The following DNM2 variants were observed in gnomAD, a reference collection of about 807,000 sequenced individuals.
The protein encoded by DNM2 is dynamin-2.
In DNM2, 15 loss-of-function variants were observed where a neutral mutation model predicts 99.0. That is an observed-to-expected ratio of 0.15 (90% CI 0.10 to 0.23). DNM2 has a LOEUF of 0.23. DNM2 is among the 10% of genes least tolerant of loss of function. DNM2 has a pLI of 1.00. For missense variants in DNM2, 742 were observed against 1,189.4 expected (o/e 0.62, Z 5.53); for synonymous variants, 525 against 481.2 (o/e 1.09, Z -1.19).
At chr19:10,792,392 G>C (rs2071782705) in intron 7 of DNM2, among the ~76,000 whole-genome samples, 1 of 152,164 alleles carries the variant, frequency 6.6e-6, no homozygotes, top group African/African-American at 2.4e-5. Flanking sequence ...CTGATGAAGG[G>C]AGACAGCCCA....
intron 1 of DNM2, among the ~76,000 whole-genome samples, chr19:10,720,094 G>C (rs758884389): frequency 1.5e-4 from 22 of 150,836 alleles, no homozygotes; most frequent in Non-Finnish European, 3.0e-4. Flanking sequence ...GGACGGGGGT[G>C]GGGGGTGTTT....
chr19:10,788,038 C>G (rs1180028111), intron 7 of DNM2, among the ~76,000 whole-genome samples: 2 of 151,584 alleles, frequency 1.3e-5, no homozygotes, highest in Non-Finnish European at 2.9e-5. Flanking sequence ...TCAAGACCAG[C>G]CTGGCCAACA....
chr19:10,742,419 T>C (rs1403317691), intron 1 of DNM2, among the ~76,000 whole-genome samples: 1 of 152,152 alleles, frequency 6.6e-6, no homozygotes, highest in Non-Finnish European at 1.5e-5. Flanking sequence ...AATAGGGCCT[T>C]ATGCGTGCTA....
At chr19:10,732,057 C>G (rs143928955) in intron 1 of DNM2, among the ~76,000 whole-genome samples, 6,882 of 149,998 alleles carry the variant, frequency 0.046, 185 homozygotes, top group African/African-American at 0.074. Flanking sequence ...CAGGTTCAAG[C>G]GATTCTTCTG....
In DNM2 at chr19:10,732,885, G is replaced by GT. The variant is rs912377869; in HGVS notation, c.161+14492dup. On this transcript the variant is annotated intron_variant, in intron 1 of 20. Coordinates refer to ENST00000389253, the MANE Select transcript of DNM2 (RefSeq NM_001005361.3). ...CAAGAATGTTTGGCTTTTGTTTTCT[G>GT]TTTTTTTTTTCTTTTGAGACAAAGT... 3.7e-3 allele frequency among the ~76,000 whole-genome samples: 548 copies of GT among 148,052 alleles called. 4 individuals are homozygous for GT. Among genetic ancestry groups the GT allele is most frequent in the Admixed American group, 5.6e-3 (82 of 14,738 alleles).
chr19:10,809,958 C>G (rs2072483485), intron 14 of DNM2: 1 of 152,390 alleles, frequency 6.6e-6, no homozygotes, highest in African/African-American at 2.4e-5. Flanking sequence ...TTGAATTTGC[C>G]AGGCCAAGAC....
chr19:10,746,112 C>G (rs1415845334), intron 1 of DNM2, among the ~76,000 whole-genome samples: 1 of 152,114 alleles, frequency 6.6e-6, no homozygotes, highest in Non-Finnish European at 1.5e-5. Context: ...GCACACGCCA[C>G]CACACCCCAC....
At chr19:10,814,734 G>A (rs961277755) in intron 15 of DNM2, among the ~76,000 whole-genome samples, 28 of 151,236 alleles carry the variant, frequency 1.9e-4, no homozygotes, top group Non-Finnish European at 2.8e-4. Context: ...CTGTCTTTTT[G>A]TGCCTGGCTT....
At chr19:10,806,129 T>G (rs1478743019) in intron 13 of DNM2, among the ~76,000 whole-genome samples, 162 bp downstream of exon 13, 1 of 152,162 alleles carries the variant, frequency 6.6e-6, no homozygotes, top group African/African-American at 2.4e-5. Flanking sequence ...AATTGATAAT[T>G]CTGGGAGATG....
At chr19:10,746,406 C>G (rs886566419) in intron 1 of DNM2, among the ~76,000 whole-genome samples, 1 of 152,104 alleles carries the variant, frequency 6.6e-6, no homozygotes, top group African/African-American at 2.4e-5. Flanking sequence ...GGGTCATGTT[C>G]TTACATTGTA....
chr19:10,746,612 G>A (rs192053503), intron 1 of DNM2, among the ~76,000 whole-genome samples: 5 of 151,512 alleles, frequency 3.3e-5, no homozygotes, highest in Admixed American at 6.6e-5. Context: ...TAGAGACGGG[G>A]TTTCTCCCTG....
intron 1 of DNM2, among the ~76,000 whole-genome samples, chr19:10,729,179 A>AT (rs1326398683): frequency 6.3e-4 from 79 of 125,322 alleles, no homozygotes; most frequent in African/African-American, 1.8e-3. Context: ...AAAAAAAAAA[A>AT]AAAAAAAAAA....
chr19:10,789,244 A>G (rs1322888177), intron 7 of DNM2, among the ~76,000 whole-genome samples: 1 of 152,164 alleles, frequency 6.6e-6, no homozygotes, highest in African/African-American at 2.4e-5. Flanking sequence ...CACAAGATTC[A>G]GCCTACTAGA....
At chr19:10,769,344 A>G (rs2070901819) in intron 2 of DNM2, 1 of 152,154 alleles carries the variant, frequency 6.6e-6, no homozygotes, top group African/African-American at 2.4e-5. Context: ...CATCAATACA[A>G]TCCAAAGTGA....
chr19:10,731,354 CTT>C lies in DNM2; in HGVS notation c.161+12967_161+12968del, dbSNP rs369402403. ...TCCAGGTTGTTCTTTTCTTTTCCTT[CTT>C]TTTTTTTTTTTTTTTGAGGCAGAGT... On this transcript the variant is annotated intron_variant, in intron 1 of 20. Transcript: ENST00000389253. 6.3e-4 allele frequency among the ~76,000 whole-genome samples: 88 copies of C among 139,532 alleles called. 1 individual carries two copies. The highest frequency in any genetic ancestry group is 3.6e-3 in the Middle Eastern group (1 of 274). The allele number at this position is 139,532 out of a possible 152,430, so 91.5% of individuals were successfully genotyped here.
At chr19:10,724,768 CCTT>C (rs1441352921) in intron 1 of DNM2, among the ~76,000 whole-genome samples, 1 of 152,198 alleles carries the variant, frequency 6.6e-6, no homozygotes, top group Non-Finnish European at 1.5e-5. Context: ...AGGGCTCTCT[CCTT>C]TGATTTCCAG....
chr19:10,734,601 T>A (rs987226857), intron 1 of DNM2, among the ~76,000 whole-genome samples: 1 of 131,790 alleles, frequency 7.6e-6, no homozygotes, highest in African/African-American at 3.0e-5. Flanking sequence ...ATTGCACCAT[T>A]GCACACCAGC....
chr19:10,823,623 G>T, intron 16 of DNM2, 165 bp from the exon 17 acceptor site: 1 of 657,432 alleles, frequency 1.5e-6, no homozygotes, highest in South Asian at 1.7e-5. Context: ...GCGCTCTTCT[G>T]TGTAGGCGTC....
Position 10,775,837 on chromosome 19 carries a change from G to A in DNM2, c.520G>A (p.Val174Ile). 6.2e-7 allele frequency: 1 copy of A among 1,614,044 alleles called. No homozygotes were observed. Among genetic ancestry groups the A allele is most frequent in the Non-Finnish European group, 8.5e-7 (1 of 1,180,028 alleles). ...ISRESSLILAVTPANMDLANS... is the reference protein window; with the variant it reads ...ISRESSLILAITPANMDLANS... ...CCGGGAGAGCAGCCTCATTCTGGCTGTCACGCCCGCCAACATGGACCTGGC... is the reference window on the plus strand; with the variant it reads ...CCGGGAGAGCAGCCTCATTCTGGCTATCACGCCCGCCAACATGGACCTGGC... Residue 174 changes from valine to isoleucine, a missense_variant, in exon 4 of 21, where the codon GTC (valine) becomes ATC (isoleucine). Val to Ile is a conservative substitution (Grantham distance 29). This residue lies in a region of DNM2 where 192 missense variants were observed against 358.9 expected (regional missense o/e 0.54). Coordinates refer to ENST00000389253, the MANE Select transcript of DNM2 (RefSeq NM_001005361.3). This position sits in a 1 kb window ranked among gnomAD's most constrained non-coding sequence, Gnocchi z 4.3.
Sources: gnomAD v4.1 joint callset for allele counts (sites outside exome capture counted in the v4.1 genomes callset) on GRCh38, gnomAD v4.1.1 for gene constraint, gnomAD v4.1.1 regional missense constraint, Gnocchi (gnomAD v3.1) non-coding constraint, MANE v1.5 for transcripts, NCBI Gene and HGNC (gene_info 2026-07-23, HGNC 2026-07-21) for gene names.